The following AGAP1 variants were observed in gnomAD, a reference collection of about 807,000 sequenced individuals.
The protein encoded by AGAP1 is arf-GAP with GTPase, ANK repeat and PH domain-containing protein 1.
A neutral mutation model predicts 105.3 loss-of-function variants in AGAP1; 29 were observed. That is an observed-to-expected ratio of 0.28 (90% CI 0.21 to 0.38). The LOEUF (loss-of-function observed/expected upper bound fraction) is 0.38, where lower values mean the gene tolerates loss of function less well. Ranked by LOEUF, AGAP1 falls within the 10% of genes least tolerant of loss-of-function variation. The pLI is 1.00. For missense variants in AGAP1, 998 were observed against 1,165.1 expected (o/e 0.86, Z 2.09); for synonymous variants, 509 against 485.9 (o/e 1.05, Z -0.63).
At chr2:235,999,614 G>A (rs111477674) in intron 13 of AGAP1, among the ~76,000 whole-genome samples, 234 of 80,208 alleles carry the variant, frequency 2.9e-3, no homozygotes, top group South Asian at 6.1e-3. Flanking sequence ...GGTGGTGGTG[G>A]TGATGATGGT....
At position 235,615,954 on chromosome 2, in the gene AGAP1, A is replaced by G. The variant is rs1044337565; in HGVS notation, c.164-93225A>G. Among the ~76,000 whole-genome samples, 1 of 152,248 alleles carries G rather than the reference A, an allele frequency of 6.6e-6. No individual in the cohort carries two copies. The highest frequency in any genetic ancestry group is 2.4e-5 in the African/African-American group (1 of 41,474). ...AAGAGTTCTTATAAAACAATAAGAAAAATATTTCCTAACTAAAGGAAATGG... is the reference window on the plus strand; with the variant it reads ...AAGAGTTCTTATAAAACAATAAGAAGAATATTTCCTAACTAAAGGAAATGG... On this transcript the variant is annotated intron_variant, in intron 1 of 17. Coordinates refer to ENST00000304032, the MANE Select transcript of AGAP1 (RefSeq NM_001037131.3). This position sits in a 1 kb window ranked among gnomAD's most constrained non-coding sequence, Gnocchi z 5.0.
chr2:235,604,486 T>TA (rs67745854), intron 1 of AGAP1, among the ~76,000 whole-genome samples: 82,388 of 135,092 alleles, frequency 0.61, 24,308 homozygotes, highest in Middle Eastern at 0.7. Flanking sequence ...TGTATCAAAA[T>TA]AAAAAAAAAA....
rs1392731321 is a variant in AGAP1, at chr2:235,900,277, G to A, written c.1156-8461G>A. Among the ~76,000 whole-genome samples, 1 of 152,102 alleles carries A rather than the reference G, an allele frequency of 6.6e-6. No individual in the cohort carries two copies. Among genetic ancestry groups the A allele is most frequent in the African/African-American group, 2.4e-5 (1 of 41,418 alleles). ...AGACTGATTTCATCTTGATAGTCTG[G>A]GTCAGTCACTCCAGCCAACACTGTA... On this transcript the variant is annotated intron_variant, in intron 10 of 17. Coordinates refer to ENST00000304032, the MANE Select transcript of AGAP1 (RefSeq NM_001037131.3). The surrounding 1 kb of genome is among the most constrained non-coding windows in gnomAD (Gnocchi z 5.5).
At chr2:235,643,155 A>G (rs1947253320) in intron 1 of AGAP1, among the ~76,000 whole-genome samples, 1 of 152,110 alleles carries the variant, frequency 6.6e-6, no homozygotes, top group Admixed American at 6.6e-5. Context: ...AAGGATGGCC[A>G]GGTGCAGTGG....
At chr2:235,632,703 C>A (rs551762860) in intron 1 of AGAP1, among the ~76,000 whole-genome samples, 1 of 152,296 alleles carries the variant, frequency 6.6e-6, no homozygotes, top group Non-Finnish European at 1.5e-5. Flanking sequence ...GTCACCTCTC[C>A]TGCTATTTAG....
intron 9 of AGAP1, among the ~76,000 whole-genome samples, chr2:235,820,910 T>C (rs1958751812): frequency 1.3e-5 from 2 of 152,050 alleles, no homozygotes; most frequent in Non-Finnish European, 2.9e-5. Flanking sequence ...CTAAGAAAAA[T>C]AAGGAAGAGC....
intron 1 of AGAP1, among the ~76,000 whole-genome samples, chr2:235,542,814 C>CA (rs888213323): frequency 1.3e-5 from 2 of 152,190 alleles, no homozygotes; most frequent in African/African-American, 4.8e-5. Flanking sequence ...CATGGTGCTT[C>CA]AGCCTCCAGC....
chr2:235,834,191 G>A (rs1959832425), intron 9 of AGAP1, among the ~76,000 whole-genome samples: 1 of 152,154 alleles, frequency 6.6e-6, no homozygotes, highest in African/African-American at 2.4e-5. Context: ...TGCCTTGTGG[G>A]AGAAAAGTTC....
intron 3 of AGAP1, among the ~76,000 whole-genome samples, chr2:235,731,441 G>A (rs1559407916): frequency 6.6e-6 from 1 of 152,150 alleles, no homozygotes; most frequent in Admixed American, 6.5e-5. Context: ...CTATTTTATA[G>A]GCTATTTTGA....
rs1404095041 is a variant in AGAP1, at chr2:235,882,596, T to G, written c.1051-749T>G. 10 of 491,732 alleles carry G rather than the reference T, an allele frequency of 2.0e-5. No homozygotes were observed. Among genetic ancestry groups the G allele is most frequent in the Admixed American group, 1.0e-4 (3 of 29,792 alleles). The allele number at this position is 491,732 out of a possible 1,614,324, so 30.5% of individuals were successfully genotyped here. On this transcript the variant is annotated intron_variant, in intron 9 of 17. Coordinates refer to ENST00000304032, the MANE Select transcript of AGAP1 (RefSeq NM_001037131.3). This position sits in a 1 kb window ranked among gnomAD's most constrained non-coding sequence, Gnocchi z 4.6. ...CCCCTGCTCAGCCTCCCCGAGTAGC[T>G]GGGATTATAGGTGCCCACCACTGCG...
intron 1 of AGAP1, among the ~76,000 whole-genome samples, chr2:235,643,898 G>C (rs182177498): frequency 6.6e-6 from 1 of 152,096 alleles, no homozygotes. Flanking sequence ...TGGTTCTTCT[G>C]TGTCCTGTGA....
At chr2:235,589,267 G>A (rs1456503762) in intron 1 of AGAP1, among the ~76,000 whole-genome samples, 2 of 136,480 alleles carry the variant, frequency 1.5e-5, no homozygotes, top group Admixed American at 8.1e-5. Flanking sequence ...GTGCAATGGC[G>A]CGGTCTTGGC....
At chr2:235,613,567 T>C (rs1946210329) in intron 1 of AGAP1, among the ~76,000 whole-genome samples, 1 of 152,164 alleles carries the variant, frequency 6.6e-6, no homozygotes, top group South Asian at 2.1e-4. Context: ...AAAGTGTTTT[T>C]AGGTAAATAA....
chr2:235,926,541 C>T (rs1295866077), intron 11 of AGAP1, among the ~76,000 whole-genome samples: 1 of 152,144 alleles, frequency 6.6e-6, no homozygotes, highest in Non-Finnish European at 1.5e-5. Context: ...ATTTCTGACC[C>T]TGTGTAATTT....
chr2:235,622,350 A>G lies in AGAP1; in HGVS notation c.164-86829A>G, dbSNP rs926446873. ...TGACTCTGGACAGCCAGTGGTCTGT[A>G]GCATTCTCATCCTTCAGAGCTCCCT... On this transcript the variant is annotated intron_variant, in intron 1 of 17. Transcript: ENST00000304032. The surrounding 1 kb of genome is among the most constrained non-coding windows in gnomAD (Gnocchi z 5.0). Among the ~76,000 whole-genome samples the G allele has an allele frequency of 2.0e-5, 3 of 152,186 alleles. No homozygotes were observed. Among genetic ancestry groups the G allele is most frequent in the Non-Finnish European group, 4.4e-5 (3 of 68,040 alleles).
intron 8 of AGAP1, among the ~76,000 whole-genome samples, chr2:235,802,816 GATGTTGTGGTT>G (rs1181970194): frequency 9.9e-4 from 3 of 3,030 alleles, no homozygotes; most frequent in Admixed American, 2.8e-3. Flanking sequence ...TGGTGGTGGT[GATGTTGTGGTT>G]GTGATGATGG....
intron 11 of AGAP1, among the ~76,000 whole-genome samples, chr2:235,926,026 TAA>T (rs2052430059): frequency 6.6e-6 from 1 of 152,222 alleles, no homozygotes; most frequent in African/African-American, 2.4e-5. Flanking sequence ...TTTTTATGCT[TAA>T]AGATATTTCC....
intron 16 of AGAP1, among the ~76,000 whole-genome samples, chr2:236,069,075 C>T (rs117154169): frequency 0.2 from 30,205 of 150,952 alleles, 3,280 homozygotes; most frequent in South Asian, 0.32. Flanking sequence ...TGCAGTGAGC[C>T]GAGATCACGC....
At position 235,550,689 on chromosome 2, in the gene AGAP1, A is replaced by G. The variant is rs987789038; in HGVS notation, c.163+55840A>G. ...ACCTGAGGCGTGGGGATCTCCGGGC[A>G]TGATGCGGAATGTAGTGACGATCGC... On this transcript the variant is annotated intron_variant, in intron 1 of 17. Coordinates refer to ENST00000304032, the MANE Select transcript of AGAP1 (RefSeq NM_001037131.3). This position sits in a 1 kb window ranked among gnomAD's most constrained non-coding sequence, Gnocchi z 4.6. Among the ~76,000 whole-genome samples, 2 of 152,248 alleles carry G rather than the reference A, an allele frequency of 1.3e-5. No homozygotes were observed. Among genetic ancestry groups the G allele is most frequent in the Admixed American group, 6.5e-5 (1 of 15,286 alleles).
Sources: gnomAD v4.1 joint callset for allele counts (sites outside exome capture counted in the v4.1 genomes callset) on GRCh38, gnomAD v4.1.1 for gene constraint, Gnocchi (gnomAD v3.1) non-coding constraint, MANE v1.5 for transcripts, NCBI Gene and HGNC (gene_info 2026-07-23, HGNC 2026-07-21) for gene names.